ZFHX3: variants seen among roughly 807,000 people sequenced by gnomAD.
ZFHX3 encodes the protein zinc finger homeobox 3, also known as zinc finger homeobox protein 3.
In ZFHX3, 42 loss-of-function variants were observed where a neutral mutation model predicts 279.1. The observed-to-expected ratio is 0.15, with a 90% CI of 0.12 to 0.19. The LOEUF (loss-of-function observed/expected upper bound fraction) is 0.19, where lower values mean the gene tolerates loss of function less well. ZFHX3 is among the 10% of genes least tolerant of loss of function. The pLI is 1.00. For missense variants in ZFHX3, 4,981 were observed against 4,754.0 expected, an observed-to-expected ratio of 1.05 and a Z score of -1.40; for synonymous variants, 2,293 against 1,957.8, an observed-to-expected ratio of 1.17 and a Z score of -4.52.
At chr16:73,809,314 C>T (rs1960367108) in intron 1 of ZFHX3, 1 of 152,208 alleles carries the variant, frequency 6.6e-6, no homozygotes, top group Non-Finnish European at 1.5e-5. Context: ...ACTGTAACCT[C>T]CCTGAAACGG....
At chr16:73,418,453 T>C (rs1021347943) in intron 3 of ZFHX3, among the ~76,000 whole-genome samples, 4 of 152,204 alleles carry the variant, frequency 2.6e-5, no homozygotes, top group Non-Finnish European at 4.4e-5. Flanking sequence ...GAGGACATCT[T>C]TGTTCAGGCT....
intron 2 of ZFHX3, among the ~76,000 whole-genome samples, chr16:72,956,236 A>C (rs372640655): frequency 6.6e-6 from 1 of 152,360 alleles, no homozygotes; most frequent in East Asian, 1.9e-4. Context: ...CTGGCCCTGC[A>C]GTCATCTAAG....
At chr16:72,888,899 G>A (rs1472870928) in intron 4 of ZFHX3, among the ~76,000 whole-genome samples, 1 of 152,176 alleles carries the variant, frequency 6.6e-6, no homozygotes, top group African/African-American at 2.4e-5. Flanking sequence ...GTGGGGCCTA[G>A]GATGAAAGGA....
chr16:72,889,679 A>G, intron 4 of ZFHX3, 52 bp downstream of exon 4: 1 of 1,568,238 alleles, frequency 6.4e-7, no homozygotes, highest in South Asian at 1.2e-5. Context: ...GGTCTCAAGG[A>G]GGTGAACACC....
At position 72,783,880 on chromosome 16, in the gene ZFHX3, T is replaced by C. The variant is rs2035231640; in HGVS notation, c.*3284A>G. 1 of 152,254 alleles carries C rather than the reference T, an allele frequency of 6.6e-6. No individual in the cohort carries two copies. Among genetic ancestry groups the C allele is most frequent in the African/African-American group, 2.4e-5 (1 of 41,468 alleles). The allele number at this position is 152,254 out of a possible 1,614,324, so 9.4% of individuals were successfully genotyped here. A position where few individuals can be genotyped will look rare whatever the true frequency, so the allele number is the denominator to read the frequency against. Reference sequence around the variant, plus strand: ...ACAGTTGAGCATTGTAGTGAATTCATGCTTTGTAAATAGTACTGGTCATAG... The same window carrying C: ...ACAGTTGAGCATTGTAGTGAATTCACGCTTTGTAAATAGTACTGGTCATAG... On this transcript the variant is annotated 3_prime_UTR_variant, in exon 10 of 10. Coordinates refer to ENST00000268489, the MANE Select transcript of ZFHX3 (RefSeq NM_006885.4).
chr16:72,798,782 A>G, intron 8 of ZFHX3, 68 bp from the exon 9 acceptor site: 13 of 1,497,148 alleles, frequency 8.7e-6, no homozygotes, highest in Non-Finnish European at 1.1e-5. Context: ...TGGCACCCAG[A>G]GCGGTCTACC....
intron 1 of ZFHX3, among the ~76,000 whole-genome samples, chr16:73,035,606 C>T (rs1964870101): frequency 6.6e-6 from 1 of 152,214 alleles, no homozygotes; most frequent in South Asian, 2.1e-4. Flanking sequence ...TAATAATAGG[C>T]CAGGCATTGT....
chr16:73,812,971 T>C (rs1960465398), intron 1 of ZFHX3, among the ~76,000 whole-genome samples: 1 of 152,230 alleles, frequency 6.6e-6, no homozygotes, highest in Non-Finnish European at 1.5e-5. Flanking sequence ...AGCTAATATC[T>C]ACAAGGCATT....
At chr16:73,294,390 G>C (rs1408833238) in intron 4 of ZFHX3, 2 of 152,222 alleles carry the variant, frequency 1.3e-5, no homozygotes, top group Non-Finnish European at 2.9e-5. Context: ...TGGACATGCT[G>C]TTCATATTGA....
chr16:73,841,516 C>T (rs934356535), intron 1 of ZFHX3, among the ~76,000 whole-genome samples: 2 of 152,070 alleles, frequency 1.3e-5, no homozygotes, highest in Admixed American at 6.5e-5. Context: ...ACCATCATCT[C>T]GGAACTGTCA....
At chr16:73,128,598 C>A (rs144850910) in intron 7 of ZFHX3, among the ~76,000 whole-genome samples, 2 of 152,274 alleles carry the variant, frequency 1.3e-5, no homozygotes, top group Admixed American at 6.5e-5. Flanking sequence ...AGCCCAGGAA[C>A]AAATGACACT....
At chr16:73,546,733 G>A (rs1596991187) in intron 2 of ZFHX3, among the ~76,000 whole-genome samples, 1 of 115,296 alleles carries the variant, frequency 8.7e-6, no homozygotes, top group East Asian at 2.5e-4. Context: ...TGCTGCTGCT[G>A]CTGTTGCTTC....
intron 3 of ZFHX3, among the ~76,000 whole-genome samples, chr16:73,429,464 C>T (rs759106574): frequency 3.9e-5 from 6 of 152,082 alleles, no homozygotes; most frequent in Non-Finnish European, 8.8e-5. Context: ...TCCTGAGTAG[C>T]TGGGATTACA....
intron 1 of ZFHX3, among the ~76,000 whole-genome samples, chr16:73,691,108 G>C (rs533151236): frequency 6.6e-6 from 1 of 152,254 alleles, no homozygotes; most frequent in East Asian, 1.9e-4. Flanking sequence ...GGGTCTCTTG[G>C]TTATTAACAA....
chr16:73,109,141 T>G (rs1966340575), intron 7 of ZFHX3, among the ~76,000 whole-genome samples: 1 of 152,250 alleles, frequency 6.6e-6, no homozygotes, highest in Non-Finnish European at 1.5e-5. Context: ...GAGAATGATC[T>G]GGTAACTGTT....
chr16:72,967,785 G>T (rs924674128), intron 1 of ZFHX3, among the ~76,000 whole-genome samples: 3 of 150,462 alleles, frequency 2.0e-5, no homozygotes, highest in Non-Finnish European at 3.0e-5. Flanking sequence ...AAAATTAGCC[G>T]GGCGTGGTGG....
At chr16:73,033,867 A>C (rs1329794558) in intron 1 of ZFHX3, among the ~76,000 whole-genome samples, 1 of 152,170 alleles carries the variant, frequency 6.6e-6, no homozygotes, top group Non-Finnish European at 1.5e-5. Flanking sequence ...TGTATTGACC[A>C]AGGAACGCTA....
At chr16:73,025,461 G>C (rs920505952) in intron 1 of ZFHX3, among the ~76,000 whole-genome samples, 1 of 152,190 alleles carries the variant, frequency 6.6e-6, no homozygotes, top group Non-Finnish European at 1.5e-5. Context: ...GTGTTTCCCC[G>C]TATTGTGGAG....
intron 7 of ZFHX3, among the ~76,000 whole-genome samples, chr16:72,802,047 A>G (rs1444177365): frequency 2.6e-5 from 4 of 152,176 alleles, no homozygotes; most frequent in African/African-American, 4.8e-5. Context: ...AGAGTAAAAA[A>G]GAATAAAATT....
Sources: allele counts gnomAD v4.1 joint callset (sites outside exome capture counted in the v4.1 genomes callset), GRCh38; gene constraint gnomAD v4.1.1; transcripts MANE v1.5; gene names NCBI Gene and HGNC (gene_info 2026-07-23, HGNC 2026-07-21).